The following TBCD variants were observed in gnomAD, a reference collection of about 807,000 sequenced individuals.
TBCD encodes the protein tubulin-specific chaperone D.
TBCD carries 105 observed loss-of-function variants against 169.3 expected under a neutral mutation model. That is an observed-to-expected ratio of 0.62 (90% confidence interval 0.53 to 0.73). TBCD has a LOEUF of 0.73. Ranked by LOEUF, TBCD falls within the 30% of genes least tolerant of loss-of-function variation. The pLI, the probability that TBCD is intolerant of heterozygous loss-of-function variation, is 0.00. For missense variants in TBCD, 1,444 were observed against 1,600.1 expected, an observed-to-expected ratio of 0.90 and a Z score of 1.66; for synonymous variants, 700 against 643.9, an observed-to-expected ratio of 1.09 and a Z score of -1.32.
At chr17:82,812,274 C>T (rs983357630) in intron 12 of TBCD, among the ~76,000 whole-genome samples, 3 of 152,188 alleles carry the variant, frequency 2.0e-5, no homozygotes, top group Admixed American at 6.5e-5. Flanking sequence ...CTGAGACACT[C>T]GGTGTGGAGC....
intron 14 of TBCD, among the ~76,000 whole-genome samples, chr17:82,877,928 AAG>A (rs2058082558): frequency 6.6e-6 from 1 of 152,226 alleles, no homozygotes; most frequent in Non-Finnish European, 1.5e-5. Flanking sequence ...CAAGTAGTGA[AAG>A]CAGTGTTAAC....
At chr17:82,924,321 T>G (rs2061591176) in intron 26 of TBCD, among the ~76,000 whole-genome samples, 1 of 152,204 alleles carries the variant, frequency 6.6e-6, no homozygotes, top group African/African-American at 2.4e-5. Flanking sequence ...TTAATACATT[T>G]TGCTGTTTTT....
intron 13 of TBCD, among the ~76,000 whole-genome samples, chr17:82,815,708 C>CTTGA (rs909297898): frequency 5.4e-4 from 83 of 152,348 alleles, no homozygotes; most frequent in African/African-American, 1.9e-3. Context: ...ACCACAGAGA[C>CTTGA]TTGATTCTGT....
In TBCD at chr17:82,752,111, A is replaced by G. The variant is rs927775234; in HGVS notation, c.-83A>G. 6.6e-6 allele frequency: 9 copies of G among 1,366,248 alleles called. No individual in the cohort carries two copies. Among genetic ancestry groups the G allele is most frequent in the South Asian group, 1.6e-5 (1 of 62,106 alleles). The allele number at this position is 1,366,248 out of a possible 1,614,324, so 84.6% of individuals were successfully genotyped here. A position where few individuals can be genotyped will look rare whatever the true frequency, so the allele number is the denominator to read the frequency against. ...AGCGGGCGCCTCCTTTTCATCCCTC[A>G]TCCTTCATCCCTGGCTTTCGCGCTC... On this transcript the variant is annotated 5_prime_UTR_variant, in exon 1 of 39. Coordinates refer to ENST00000355528, the MANE Select transcript of TBCD (RefSeq NM_005993.5).
intron 7 of TBCD, among the ~76,000 whole-genome samples, chr17:82,788,463 T>C (rs1170465574): frequency 2.6e-5 from 4 of 152,140 alleles, no homozygotes; most frequent in African/African-American, 9.7e-5. Flanking sequence ...AATAGGATGC[T>C]CTTCCCCTTA....
chr17:82,857,968 A>G (rs2056458548), intron 13 of TBCD, among the ~76,000 whole-genome samples: 2 of 151,946 alleles, frequency 1.3e-5, no homozygotes, highest in African/African-American at 4.8e-5. Context: ...GCAGGAGTAC[A>G]GTGGTATGAT....
intron 7 of TBCD, chr17:82,795,594 T>C (rs914116919): frequency 9.1e-6 from 9 of 984,290 alleles, no homozygotes; most frequent in Admixed American, 6.1e-5. Context: ...TGGTGCTCTT[T>C]GCCTGTAGGA....
chr17:82,804,957 A>C (rs1427914991), intron 9 of TBCD, among the ~76,000 whole-genome samples: 1 of 152,238 alleles, frequency 6.6e-6, no homozygotes, highest in Admixed American at 6.5e-5. Flanking sequence ...TTCTGCCGCC[A>C]AAGCCTAAGC....
At position 82,884,291 on chromosome 17, in the gene TBCD, C is replaced by A; in HGVS notation, c.1533+89C>A. ...GCTCCTCTGTGCACTGCTGCCTGGC[C>A]AGCTCACCCATCCACAGCAGGAGCC... On this transcript the variant is annotated intron_variant, in intron 15 of 38. Coordinates refer to ENST00000355528, the MANE Select transcript of TBCD (RefSeq NM_005993.5). This position sits in a 1 kb window ranked among gnomAD's most constrained non-coding sequence, Gnocchi z 4.2. 7.9e-7 allele frequency: 1 copy of A among 1,270,206 alleles called. No homozygotes were observed. The highest frequency in any genetic ancestry group is 1.1e-6 in the Non-Finnish European group (1 of 895,046). 78.7% of individuals were successfully genotyped at this position (1,270,206 alleles called of 1,614,324 possible). A position where few individuals can be genotyped will look rare whatever the true frequency, so the allele number is the denominator to read the frequency against.
intron 13 of TBCD, among the ~76,000 whole-genome samples, chr17:82,860,716 C>A (rs947295815): frequency 6.6e-6 from 1 of 152,166 alleles, no homozygotes; most frequent in Non-Finnish European, 1.5e-5. Flanking sequence ...CCATGGGTCT[C>A]CCTGGACGGG....
rs1336464142 is a variant in TBCD at position 82,924,996 on chromosome 17, G to A, written c.2318G>A (p.Cys773Tyr). The A allele has an allele frequency of 1.9e-6, 3 of 1,574,810 alleles. No individual in the cohort carries two copies. The highest frequency in any genetic ancestry group is 2.6e-6 in the Non-Finnish European group (3 of 1,159,108). The change falls in exon 27 of 39, where the codon TGT becomes TAT. Residue 773 changes from cysteine (C) to tyrosine (Y), a missense_variant. Physicochemically the swap from Cys to Tyr is radical, Grantham distance 194. Transcript: ENST00000355528. ...ELRNPEEMTR[C>Y]GFSLALGALP... ...CGGAACCCCGAGGAGATGACTCGCT[G>A]TGGCTTCTCGTTGGCCTTGGGCGCC...
intron 14 of TBCD, chr17:82,876,957 CAGTAACCT>C (rs2058021388): frequency 1.0e-6 from 1 of 985,314 alleles, no homozygotes; most frequent in Admixed American, 6.1e-5. Context: ...GACTGAACAA[CAGTAACCT>C]TAGAGGGTTA....
At chr17:82,766,696 C>T (rs563386087) in intron 4 of TBCD, among the ~76,000 whole-genome samples, 3 of 152,308 alleles carry the variant, frequency 2.0e-5, no homozygotes, top group African/African-American at 7.2e-5. Context: ...AGGTTTGATA[C>T]TTCCTGAGCG....
intron 2 of TBCD, among the ~76,000 whole-genome samples, chr17:82,758,394 A>AT (rs1231514632): frequency 7.0e-5 from 9 of 129,272 alleles, no homozygotes; most frequent in South Asian, 2.4e-4. Flanking sequence ...GAAAAAAAAA[A>AT]AAAAAAAAAT....
intron 12 of TBCD, among the ~76,000 whole-genome samples, chr17:82,810,759 T>A (rs2051374485): frequency 6.6e-6 from 1 of 152,220 alleles, no homozygotes; most frequent in African/African-American, 2.4e-5. Flanking sequence ...CTGTTGCTCT[T>A]CATTAGCCTG....
At chr17:82,856,217 A>C (rs561518354) in intron 13 of TBCD, among the ~76,000 whole-genome samples, 148 of 152,022 alleles carry the variant, frequency 9.7e-4, no homozygotes, top group Non-Finnish European at 1.9e-3. Flanking sequence ...TTAAAATCAT[A>C]TGGTAGAATT....
chr17:82,897,048 C>T (rs1371750308), intron 17 of TBCD, among the ~76,000 whole-genome samples: 1 of 152,234 alleles, frequency 6.6e-6, no homozygotes, highest in Non-Finnish European at 1.5e-5. Flanking sequence ...TTTAACACAT[C>T]TTTCGCCCAT....
In TBCD at chr17:82,921,201, G is replaced by A. The variant is rs577958916; in HGVS notation, c.2102-300G>A. The A allele has an allele frequency of 8.2e-4, 377 of 462,370 alleles. 2 individuals are homozygous for A. Among genetic ancestry groups the A allele is most frequent in the Non-Finnish European group, 1.2e-3 (322 of 258,020 alleles). 28.6% of individuals were successfully genotyped at this position (462,370 alleles called of 1,614,324 possible). Reference sequence around the variant, plus strand: ...ATATTGGTGGGAGCCGGGGGAGACCGTTTGAAGGAAAAGATTTAGGGGTAA... The same window carrying A: ...ATATTGGTGGGAGCCGGGGGAGACCATTTGAAGGAAAAGATTTAGGGGTAA... On this transcript the variant is annotated intron_variant, in intron 24 of 38. Coordinates refer to ENST00000355528, the MANE Select transcript of TBCD (RefSeq NM_005993.5).
At chr17:82,767,774 G>A (rs1488282529) in intron 4 of TBCD, among the ~76,000 whole-genome samples, 1 of 152,098 alleles carries the variant, frequency 6.6e-6, no homozygotes, top group Non-Finnish European at 1.5e-5. Flanking sequence ...GGCTAACACG[G>A]TGCAACCCTG....
Sources: gnomAD v4.1 joint callset for allele counts (sites outside exome capture counted in the v4.1 genomes callset) on GRCh38, gnomAD v4.1.1 for gene constraint, Gnocchi (gnomAD v3.1) non-coding constraint, MANE v1.5 for transcripts, NCBI Gene and HGNC (gene_info 2026-07-23, HGNC 2026-07-21) for gene names.